PTPRQ: variants seen among roughly 807,000 people sequenced by gnomAD.
PTPRQ encodes phosphatidylinositol phosphatase PTPRQ.
Under a neutral mutation model 246.0 loss-of-function variants are expected in PTPRQ, and 199 were observed. That is an observed-to-expected ratio of 0.81 (90% CI 0.72 to 0.91). PTPRQ has a LOEUF of 0.91. Ranked by LOEUF, PTPRQ falls within the 40% of genes least tolerant of loss-of-function variation. The pLI, the probability that PTPRQ is intolerant of heterozygous loss-of-function variation, is 0.00. For missense variants in PTPRQ, 2,624 were observed against 2,528.4 expected, an observed-to-expected ratio of 1.04 and a Z score of -0.81; for synonymous variants, 869 against 853.2, an observed-to-expected ratio of 1.02 and a Z score of -0.32.
intron 12 of PTPRQ, 56 bp downstream of exon 12, chr12:80,495,427 G>A (rs1225449663): frequency 4.1e-6 from 6 of 1,463,704 alleles, no homozygotes; most frequent in Non-Finnish European, 5.4e-6. Flanking sequence ...TTCTATTCTG[G>A]TGGAAAATAT....
intron 35 of PTPRQ, among the ~76,000 whole-genome samples, chr12:80,647,889 G>C (rs576948319): frequency 7.9e-6 from 1 of 126,218 alleles, no homozygotes; most frequent in East Asian, 1.9e-4. Flanking sequence ...CTTTCTGCTT[G>C]GGGGGCACCC....
intron 25 of PTPRQ, among the ~76,000 whole-genome samples, chr12:80,581,403 A>G (rs929976127): frequency 6.6e-6 from 1 of 152,176 alleles, no homozygotes; most frequent in African/African-American, 2.4e-5. Context: ...TGGGAGGCTG[A>G]GGTGGGCAGA....
chr12:80,621,489 T>C (rs539424163), intron 32 of PTPRQ, among the ~76,000 whole-genome samples: 2 of 152,078 alleles, frequency 1.3e-5, no homozygotes, highest in East Asian at 1.9e-4. Flanking sequence ...CTGAGGATCT[T>C]AGATTCTTTT....
chr12:80,613,951 ATTGT>A (rs1565819518), intron 29 of PTPRQ, 115 bp downstream of exon 29: 5 of 1,216,934 alleles, frequency 4.1e-6, no homozygotes, highest in Non-Finnish European at 4.2e-6. Flanking sequence ...TTTTTGTGAG[ATTGT>A]TTGACATCTC....
chr12:80,528,941 C>T (rs988164926), intron 17 of PTPRQ, among the ~76,000 whole-genome samples: 1 of 152,066 alleles, frequency 6.6e-6, no homozygotes, highest in African/African-American at 2.4e-5. Flanking sequence ...CAAAACAAAG[C>T]CAAACCAAAC....
At chr12:80,564,131 G>A (rs74343067) in intron 25 of PTPRQ, among the ~76,000 whole-genome samples, 2 of 152,090 alleles carry the variant, frequency 1.3e-5, no homozygotes, top group Admixed American at 1.3e-4. Context: ...TAGGGTACAC[G>A]TGCACATTGT....
chr12:80,542,700 A>G, intron 22 of PTPRQ, 30 bp from the exon 23 acceptor site: 1 of 1,523,002 alleles, frequency 6.6e-7, no homozygotes, highest in Non-Finnish European at 8.8e-7. Context: ...AGTTTTATGA[A>G]TGTAAGTTTC....
chr12:80,662,092 C>A (rs961448140), intron 39 of PTPRQ, among the ~76,000 whole-genome samples: 42 of 151,854 alleles, frequency 2.8e-4, no homozygotes, highest in African/African-American at 7.2e-5. Flanking sequence ...CTTATCTTCA[C>A]TAAACTTAAT....
At chr12:80,543,047 G>A (rs1034919433) in intron 23 of PTPRQ, among the ~76,000 whole-genome samples, 166 bp downstream of exon 23, 37 of 152,094 alleles carry the variant, frequency 2.4e-4, no homozygotes, top group African/African-American at 8.4e-4. Context: ...ACAAGCAAGC[G>A]TTTGACAGAT....
At chr12:80,643,646 G>T (rs950328349) in intron 35 of PTPRQ, among the ~76,000 whole-genome samples, 2 of 152,060 alleles carry the variant, frequency 1.3e-5, no homozygotes, top group Admixed American at 6.6e-5. Flanking sequence ...GGATGTGAAA[G>T]AACAAAATAA....
intron 25 of PTPRQ, among the ~76,000 whole-genome samples, chr12:80,571,995 AT>A (rs1274321496): frequency 1.3e-5 from 2 of 151,874 alleles, no homozygotes; most frequent in Non-Finnish European, 2.9e-5. Flanking sequence ...TCTTCTGGCT[AT>A]TTTTGGTCTT....
intron 9 of PTPRQ, among the ~76,000 whole-genome samples, chr12:80,492,714 C>T (rs781242715): frequency 4.0e-5 from 6 of 151,860 alleles, no homozygotes; most frequent in Admixed American, 6.6e-5. Flanking sequence ...TTCCTTATGT[C>T]CAGAGTCTTG....
intron 14 of PTPRQ, among the ~76,000 whole-genome samples, chr12:80,498,174 A>G (rs577056168): frequency 6.6e-6 from 1 of 152,128 alleles, no homozygotes; most frequent in East Asian, 1.9e-4. Flanking sequence ...TGAAATAAGT[A>G]TTTTTGAGAA....
intron 30 of PTPRQ, 48 bp from the exon 31 acceptor site, chr12:80,619,336 G>A (rs1197393821): frequency 6.7e-7 from 1 of 1,502,840 alleles, no homozygotes; most frequent in South Asian, 1.3e-5. Flanking sequence ...TTCTTTTGTT[G>A]ATGAAACAAT....
chr12:80,607,546 G>T (rs1168672917), intron 27 of PTPRQ, among the ~76,000 whole-genome samples: 1 of 142,716 alleles, frequency 7.0e-6, no homozygotes, highest in Non-Finnish European at 1.5e-5. Flanking sequence ...CCAGAACTGT[G>T]CTAGGTGCTG....
intron 39 of PTPRQ, among the ~76,000 whole-genome samples, chr12:80,666,924 C>G (rs1294803911): frequency 6.6e-6 from 1 of 151,984 alleles, no homozygotes; most frequent in Non-Finnish European, 1.5e-5. Flanking sequence ...CAATAACCCT[C>G]TAACTATTCT....
chr12:80,547,802 T>C (rs1055666717), intron 24 of PTPRQ, among the ~76,000 whole-genome samples: 6 of 152,146 alleles, frequency 3.9e-5, no homozygotes, highest in South Asian at 2.1e-4. Flanking sequence ...TAGAGTGTTG[T>C]ACACACAGTA....
chr12:80,478,737 C>A (rs1211535246), intron 8 of PTPRQ, among the ~76,000 whole-genome samples: 2 of 152,060 alleles, frequency 1.3e-5, no homozygotes, highest in East Asian at 1.9e-4. Flanking sequence ...ATGCAGAAGC[C>A]TCAGGAGCCG....
intron 8 of PTPRQ, among the ~76,000 whole-genome samples, chr12:80,479,157 A>T (rs927583041): frequency 6.6e-6 from 1 of 151,966 alleles, no homozygotes; most frequent in Non-Finnish European, 1.5e-5. Flanking sequence ...AGGGAAGCCC[A>T]TCAGACTAAC....
Sources: gnomAD v4.1 joint callset for allele counts (sites outside exome capture counted in the v4.1 genomes callset) on GRCh38, gnomAD v4.1.1 for gene constraint, MANE v1.5 for transcripts, NCBI Gene and HGNC (gene_info 2026-07-23, HGNC 2026-07-21) for gene names.